The following FRY variants were observed in gnomAD, a reference collection of about 807,000 sequenced individuals.
FRY encodes the protein FRY microtubule binding protein.
FRY carries 128 observed loss-of-function variants against 348.4 expected under a neutral mutation model. The observed-to-expected ratio is 0.37, with a 90% CI of 0.32 to 0.43. The LOEUF is 0.43. FRY is among the 20% of genes least tolerant of loss of function. The pLI is 1.00. For synonymous variants in FRY, 1,370 were observed against 1,374.7 expected (o/e 1.00, Z 0.08); for missense variants, 2,736 against 3,695.2 (o/e 0.74, Z 6.73).
intron 3 of FRY, among the ~76,000 whole-genome samples, chr13:32,111,426 G>C (rs1241055424): frequency 1.3e-5 from 2 of 152,132 alleles, no homozygotes. Context: ...AACCTGGGAG[G>C]CAGAGGTTGC....
At chr13:32,054,061 C>T (rs902325431) in intron 1 of FRY, among the ~76,000 whole-genome samples, 5 of 152,110 alleles carry the variant, frequency 3.3e-5, no homozygotes, top group Admixed American at 1.3e-4. Context: ...TCATTCTAAC[C>T]GTGCCTCTAG....
chr13:32,204,918 A>G lies in FRY; in HGVS notation c.4018+2391A>G, dbSNP rs114900834. Among the ~76,000 whole-genome samples the G allele has an allele frequency of 6.1e-3, 934 of 152,316 alleles. 7 individuals are homozygous for G. The highest frequency in any genetic ancestry group is 0.02 in the African/African-American group (827 of 41,576). ...GTCTAGCAGAAAAGATAGATATGCA[A>G]TCAAGCCAAGCACAGTGGCTTATGC... On this transcript the variant is annotated intron_variant, in intron 31 of 60. Coordinates refer to ENST00000542859, the MANE Select transcript of FRY (RefSeq NM_023037.3).
At position 32,155,827 on chromosome 13, in the gene FRY, C is replaced by T. The variant is rs189548547; in HGVS notation, c.1651+165C>T. Among the ~76,000 whole-genome samples the T allele has an allele frequency of 2.6e-3, 393 of 152,244 alleles. 1 individual carries two copies. The highest frequency in any genetic ancestry group is 9.1e-3 in the African/African-American group (380 of 41,550). On this transcript the variant is annotated intron_variant, in intron 15 of 60. Transcript: ENST00000542859. ...TTGATTCATGCTGTGTTTTGTTTTA[C>T]TGCTCTTTAAACTTTTTAGAACTTC... is the stretch of plus-strand genomic sequence containing the variant.
At chr13:32,191,526 C>T (rs1883338146) in intron 28 of FRY, among the ~76,000 whole-genome samples, 1 of 152,148 alleles carries the variant, frequency 6.6e-6, no homozygotes, top group Non-Finnish European at 1.5e-5. Flanking sequence ...CATAAGAAAA[C>T]ATTCTCAAGC....
intron 29 of FRY, among the ~76,000 whole-genome samples, chr13:32,200,997 A>G (rs1272859572): frequency 6.6e-6 from 1 of 152,166 alleles, no homozygotes; most frequent in Non-Finnish European, 1.5e-5. Context: ...ATTCTTCAAA[A>G]GTGAATGCCG....
At chr13:32,252,057 C>T in intron 50 of FRY, 105 bp downstream of exon 50, 1 of 807,442 alleles carries the variant, frequency 1.2e-6, no homozygotes, top group East Asian at 2.5e-5. Flanking sequence ...CTGTGAATGA[C>T]AAGTATGATA....
At chr13:32,289,958 A>C (rs1889252987) in intron 59 of FRY, among the ~76,000 whole-genome samples, 1 of 152,240 alleles carries the variant, frequency 6.6e-6, no homozygotes, top group South Asian at 2.1e-4. Context: ...AGGTGCCTCA[A>C]AATTTAAGAA....
rs777448305 is a variant in FRY, at chr13:32,135,222, T to G, written c.1077+39T>G. 5.9e-6 allele frequency: 7 copies of G among 1,193,442 alleles called. No homozygotes were observed. The South Asian group carries it at 8.5e-5, about 14-fold the overall frequency. 73.9% of individuals were successfully genotyped at this position (1,193,442 alleles called of 1,614,324 possible). A position where few individuals can be genotyped will look rare whatever the true frequency, so the allele number is the denominator to read the frequency against. ...AGAAAATCGAAAACACAAACAAAAC[T>G]GCACAGACTAAAATTCCTAGACAGG... is the stretch of plus-strand genomic sequence containing the variant. On this transcript the variant is annotated intron_variant, in intron 10 of 60. Transcript: ENST00000542859.
At chr13:32,039,563 A>G (rs1872672935) in intron 1 of FRY, among the ~76,000 whole-genome samples, 2 of 152,156 alleles carry the variant, frequency 1.3e-5, no homozygotes, top group Admixed American at 6.5e-5. Context: ...ATGATCAGAT[A>G]TCTCACCTAT....
intron 29 of FRY, among the ~76,000 whole-genome samples, chr13:32,197,363 C>A (rs905624809): frequency 3.3e-5 from 5 of 152,292 alleles, no homozygotes; most frequent in Admixed American, 2.6e-4. Flanking sequence ...ACAAGGAAGA[C>A]AGGCAAAGCT....
intron 4 of FRY, among the ~76,000 whole-genome samples, chr13:32,122,502 A>T (rs1307392391): frequency 1.3e-5 from 2 of 152,054 alleles, no homozygotes; most frequent in Non-Finnish European, 2.9e-5. Flanking sequence ...TATGATTAAA[A>T]CTCTCAGCAA....
intron 31 of FRY, 131 bp from the exon 32 acceptor site, chr13:32,208,722 G>C (rs1006615439): frequency 1.0e-5 from 11 of 1,052,242 alleles, no homozygotes; most frequent in Non-Finnish European, 1.6e-5. Flanking sequence ...CTGTGGCCTT[G>C]GGGAGCTCCT....
At chr13:32,145,026 TG>T (rs1880314465) in intron 11 of FRY, among the ~76,000 whole-genome samples, 1 of 152,108 alleles carries the variant, frequency 6.6e-6, no homozygotes, top group African/African-American at 2.4e-5. Flanking sequence ...AGGGTTCACT[TG>T]GGAGAAAAGA....
chr13:32,061,656 G>A (rs1174663124), intron 1 of FRY, among the ~76,000 whole-genome samples: 1 of 151,860 alleles, frequency 6.6e-6, no homozygotes, highest in Non-Finnish European at 1.5e-5. Flanking sequence ...TTCATTTTTG[G>A]CTTAGCCTTG....
At chr13:32,060,882 C>A (rs1873903199) in intron 1 of FRY, 3 of 351,536 alleles carry the variant, frequency 8.5e-6, no homozygotes, top group Non-Finnish European at 1.7e-5. Context: ...ACAGTCTGCC[C>A]TGGACGGAAG....
intron 29 of FRY, among the ~76,000 whole-genome samples, chr13:32,200,009 C>T (rs370185289): frequency 4.6e-5 from 7 of 152,168 alleles, no homozygotes; most frequent in Admixed American, 3.3e-4. Flanking sequence ...TCTACAGAGT[C>T]CTGAGATGGC....
intron 51 of FRY, among the ~76,000 whole-genome samples, chr13:32,258,559 G>C (rs1223048130): frequency 6.6e-6 from 1 of 151,498 alleles, no homozygotes; most frequent in Non-Finnish European, 1.5e-5. Flanking sequence ...GTTGCAGTGA[G>C]CCAAGATCAT....
At chr13:32,149,063 C>A (rs1286399235) in intron 13 of FRY, among the ~76,000 whole-genome samples, 2 of 147,350 alleles carry the variant, frequency 1.4e-5, no homozygotes. Context: ...ACACAGATAC[C>A]TGATATATTT....
intron 56 of FRY, 142 bp downstream of exon 56, chr13:32,275,133 C>G (rs1424854384): frequency 1.1e-5 from 8 of 703,198 alleles, no homozygotes; most frequent in Non-Finnish European, 2.0e-5. Context: ...AATCCCAGCA[C>G]TTTGGGAGGC....
Sources: gnomAD v4.1 joint callset for allele counts (sites outside exome capture counted in the v4.1 genomes callset) on GRCh38, gnomAD v4.1.1 for gene constraint, MANE v1.5 for transcripts, NCBI Gene and HGNC (gene_info 2026-07-23, HGNC 2026-07-21) for gene names.